Variants in EIPR1 observed in about 807,000 individuals in gnomAD.
EIPR1 encodes EARP complex and GARP complex interacting protein 1.
Under a neutral mutation model 48.1 loss-of-function variants are expected in EIPR1, and 25 were observed. That is an observed-to-expected ratio of 0.52 (90% CI 0.38 to 0.73). The LOEUF is 0.73. Ranked by LOEUF, EIPR1 falls within the 30% of genes least tolerant of loss-of-function variation. The pLI is 0.00. For missense variants in EIPR1, 415 were observed against 506.2 expected, an observed-to-expected ratio of 0.82 and a Z score of 1.73; for synonymous variants, 204 against 201.9, an observed-to-expected ratio of 1.01 and a Z score of -0.09.
At chr2:3,349,804 A>G (rs1470264400) in intron 2 of EIPR1, among the ~76,000 whole-genome samples, 1 of 152,200 alleles carries the variant, frequency 6.6e-6, no homozygotes, top group East Asian at 1.9e-4. Flanking sequence ...GAGATGGTGT[A>G]TTAGTCTGTT....
chr2:3,244,411 C>T (rs1666732340), intron 4 of EIPR1, among the ~76,000 whole-genome samples: 1 of 152,136 alleles, frequency 6.6e-6, no homozygotes, highest in African/African-American at 2.4e-5. Context: ...GTTTAAATAT[C>T]ACAAATAGAA....
intron 3 of EIPR1, among the ~76,000 whole-genome samples, chr2:3,262,482 C>T (rs1667362891): frequency 6.6e-6 from 1 of 152,314 alleles, no homozygotes; most frequent in Non-Finnish European, 1.5e-5. Flanking sequence ...CTAGAGGTGA[C>T]ACATTATACA....
chr2:3,246,017 G>A (rs970215439), intron 4 of EIPR1, among the ~76,000 whole-genome samples: 4 of 152,128 alleles, frequency 2.6e-5, no homozygotes, highest in Non-Finnish European at 5.9e-5. Context: ...CGTGAGCCTG[G>A]AAGGCCGAGG....
chr2:3,243,888 G>A (rs1445576008), intron 4 of EIPR1, among the ~76,000 whole-genome samples: 1 of 152,196 alleles, frequency 6.6e-6, no homozygotes, highest in African/African-American at 2.4e-5. Context: ...GCTCCATGCT[G>A]GAGGCCTCAC....
At chr2:3,237,831 T>C (rs1177223364) in intron 4 of EIPR1, among the ~76,000 whole-genome samples, 2 of 152,064 alleles carry the variant, frequency 1.3e-5, no homozygotes. Flanking sequence ...TGGTCAACAG[T>C]CAACACTGAG....
At chr2:3,254,918 C>T (rs2103214911) in intron 4 of EIPR1, among the ~76,000 whole-genome samples, 1 of 152,330 alleles carries the variant, frequency 6.6e-6, no homozygotes, top group Non-Finnish European at 1.5e-5. Context: ...GTTTGTGATA[C>T]AGTACCATAG....
chr2:3,313,345 C>T (rs1050315067), intron 3 of EIPR1, among the ~76,000 whole-genome samples: 9 of 151,820 alleles, frequency 5.9e-5, no homozygotes, highest in Admixed American at 3.9e-4. Context: ...GAGAGCAGCA[C>T]AAAATGCCGC....
chr2:3,277,213 C>T (rs963639605), intron 3 of EIPR1, among the ~76,000 whole-genome samples: 7 of 151,008 alleles, frequency 4.6e-5, no homozygotes, highest in Admixed American at 6.6e-5. Context: ...TCCACCCACA[C>T]GGCCCCGCAC....
intron 3 of EIPR1, among the ~76,000 whole-genome samples, chr2:3,295,756 G>A (rs1479737784): frequency 5.0e-3 from 176 of 35,370 alleles, no homozygotes; most frequent in African/African-American, 4.6e-3. Context: ...CATCCAGCCC[G>A]TCCTCTCTCT....
intron 1 of EIPR1, among the ~76,000 whole-genome samples, chr2:3,359,111 G>C (rs1670797793): frequency 6.6e-6 from 1 of 152,130 alleles, no homozygotes; most frequent in Non-Finnish European, 1.5e-5. Flanking sequence ...AAGACAAGAT[G>C]ATAGACGATT....
At position 3,239,669 on chromosome 2, in the gene EIPR1, G is replaced by A. The variant is rs1046486767; in HGVS notation, c.416+17630C>T. Among the ~76,000 whole-genome samples the A allele has an allele frequency of 1.3e-4, 20 of 151,890 alleles. No homozygotes were observed. The South Asian group carries it at 4.2e-3, about 32-fold the overall frequency. On this transcript the variant is annotated intron_variant, in intron 4 of 8. Transcript: ENST00000382125. ...CATGTGGCCCTGCCCTCAGCACGGT[G>A]CAGACCCTCAGGGCGTCCCTTCCTG...
At chr2:3,250,318 C>T (rs1257131933) in intron 4 of EIPR1, among the ~76,000 whole-genome samples, 1 of 152,258 alleles carries the variant, frequency 6.6e-6, no homozygotes, top group Non-Finnish European at 1.5e-5. Context: ...ACATTTAATA[C>T]CTTTCCTGCC....
chr2:3,269,252 CATCGCACTCA>C (rs1240401604), intron 3 of EIPR1, among the ~76,000 whole-genome samples: 19 of 150,124 alleles, frequency 1.3e-4, no homozygotes, highest in African/African-American at 4.6e-4. Context: ...CGCACTCAGT[CATCGCACTCA>C]GTCATGGCAC....
At chr2:3,339,469 T>A (rs1455056448) in intron 2 of EIPR1, among the ~76,000 whole-genome samples, 1 of 152,140 alleles carries the variant, frequency 6.6e-6, no homozygotes, top group African/African-American at 2.4e-5. Context: ...CCTCTCAGGG[T>A]CTGATAGGGC....
intron 3 of EIPR1, among the ~76,000 whole-genome samples, chr2:3,263,925 A>G (rs761947626): frequency 6.6e-6 from 1 of 152,214 alleles, no homozygotes; most frequent in Non-Finnish European, 1.5e-5. Context: ...AGTCAAGCCA[A>G]TTCATATTTG....
chr2:3,269,121 T>C (rs551415821), intron 3 of EIPR1, among the ~76,000 whole-genome samples: 4 of 152,238 alleles, frequency 2.6e-5, no homozygotes, highest in Admixed American at 1.3e-4. Context: ...TGCTGTACAC[T>C]GAGCACTGCA....
intron 1 of EIPR1, among the ~76,000 whole-genome samples, chr2:3,365,808 GTCACAGA>G (rs974127085): frequency 3.3e-5 from 5 of 151,616 alleles, no homozygotes; most frequent in African/African-American, 1.2e-4. Context: ...TGGGGGTAAG[GTCACAGA>G]TCAACAGGAT....
At chr2:3,301,838 G>A (rs1271562945) in intron 3 of EIPR1, among the ~76,000 whole-genome samples, 2 of 152,206 alleles carry the variant, frequency 1.3e-5, no homozygotes, top group African/African-American at 4.8e-5. Flanking sequence ...GGTGTTAGAT[G>A]TGGTAGGTGT....
At chr2:3,343,934 G>A (rs1670327733) in intron 2 of EIPR1, among the ~76,000 whole-genome samples, 1 of 152,230 alleles carries the variant, frequency 6.6e-6, no homozygotes, top group Admixed American at 6.5e-5. Context: ...AGGCACGGTG[G>A]CTCACACTTG....
Sources: gnomAD v4.1 joint callset for allele counts (sites outside exome capture counted in the v4.1 genomes callset) on GRCh38, gnomAD v4.1.1 for gene constraint, MANE v1.5 for transcripts, NCBI Gene and HGNC (gene_info 2026-07-23, HGNC 2026-07-21) for gene names.